Variants in DCC observed in about 807,000 individuals in gnomAD.
DCC encodes netrin receptor DCC.
Under a neutral mutation model 172.5 loss-of-function variants are expected in DCC, and 58 were observed. The observed-to-expected ratio is 0.34, with a 90% CI of 0.27 to 0.42. The LOEUF (loss-of-function observed/expected upper bound fraction) is 0.42, where lower values mean the gene tolerates loss of function less well. Among genes scored for constraint, DCC ranks in the 10% least tolerant of loss-of-function variants. The pLI, the probability that DCC is intolerant of heterozygous loss-of-function variation, is 1.00. For synonymous variants in DCC, 709 were observed against 644.5 expected, an observed-to-expected ratio of 1.10 and a Z score of -1.52; for missense variants, 1,740 against 1,791.0, an observed-to-expected ratio of 0.97 and a Z score of 0.51.
chr18:53,136,647 G>C (rs1468841297), intron 7 of DCC, among the ~76,000 whole-genome samples: 1 of 152,004 alleles, frequency 6.6e-6, no homozygotes, highest in Non-Finnish European at 1.5e-5. Flanking sequence ...AGGGTTATGA[G>C]GAAACTTTAG....
At chr18:53,197,830 A>T (rs1376350651) in intron 9 of DCC, among the ~76,000 whole-genome samples, 1 of 152,108 alleles carries the variant, frequency 6.6e-6, no homozygotes, top group East Asian at 1.9e-4. Context: ...GCAGATGTTT[A>T]GATAGTTGAA....
At chr18:53,266,678 A>C (rs975944781) in intron 12 of DCC, among the ~76,000 whole-genome samples, 3 of 152,066 alleles carry the variant, frequency 2.0e-5, no homozygotes, top group African/African-American at 4.8e-5. Flanking sequence ...ATCTCTTAGC[A>C]GTGCCCTCCT....
chr18:53,330,304 C>T (rs1408537927), intron 14 of DCC, among the ~76,000 whole-genome samples: 1 of 152,164 alleles, frequency 6.6e-6, no homozygotes, highest in Non-Finnish European at 1.5e-5. Flanking sequence ...CCAATAATCA[C>T]TTGTCATCCA....
At chr18:53,346,400 T>C (rs1452166664) in intron 15 of DCC, among the ~76,000 whole-genome samples, 2 of 152,178 alleles carry the variant, frequency 1.3e-5, no homozygotes, top group Admixed American at 1.3e-4. Context: ...CCTCTGAGAC[T>C]ATAATTATAT....
At chr18:52,471,437 G>T (rs1372626) in intron 1 of DCC, among the ~76,000 whole-genome samples, 1 of 152,060 alleles carries the variant, frequency 6.6e-6, no homozygotes, top group Non-Finnish European at 1.5e-5. Context: ...ATTATGGAGG[G>T]TTATCACTTA....
intron 2 of DCC, among the ~76,000 whole-genome samples, chr18:52,863,500 G>A (rs2039175961): frequency 6.6e-6 from 1 of 151,572 alleles, no homozygotes. Flanking sequence ...TAAGAAAAAA[G>A]CCAAAAGCAT....
chr18:52,505,318 T>C (rs2031190451), intron 1 of DCC, among the ~76,000 whole-genome samples: 1 of 152,202 alleles, frequency 6.6e-6, no homozygotes, highest in Admixed American at 6.5e-5. Context: ...TTAATGAAGA[T>C]GATTCCTATT....
intron 2 of DCC, among the ~76,000 whole-genome samples, chr18:52,809,128 A>T (rs2038145509): frequency 1.3e-5 from 2 of 152,202 alleles, no homozygotes; most frequent in African/African-American, 4.8e-5. Flanking sequence ...ATCCAGAAGG[A>T]ACTGCCAAAA....
At chr18:52,568,789 G>A (rs2033225231) in intron 1 of DCC, among the ~76,000 whole-genome samples, 1 of 152,046 alleles carries the variant, frequency 6.6e-6, no homozygotes, top group Non-Finnish European at 1.5e-5. Flanking sequence ...TGTGGTCTCT[G>A]CAACTATAGA....
chr18:53,145,383 G>T (rs1295693711), intron 7 of DCC, among the ~76,000 whole-genome samples: 1 of 152,128 alleles, frequency 6.6e-6, no homozygotes, highest in Non-Finnish European at 1.5e-5. Context: ...GAAGTGCTGG[G>T]ATTACAGGCA....
intron 15 of DCC, among the ~76,000 whole-genome samples, chr18:53,381,573 C>T (rs538378914): frequency 1.1e-4 from 15 of 137,598 alleles, no homozygotes; most frequent in Middle Eastern, 3.6e-3. Flanking sequence ...CCCCCCCCAC[C>T]ACCACCTTAC....
Position 52,551,727 on chromosome 18 carries a change from T to TAC in DCC, c.92-200286_92-200285dup, listed in dbSNP as rs74178673. ...CCCTTTATCACCCCTTACTCTCCTC[T>TAC]ACACACACACACACACACACACACA... On this transcript the variant is annotated intron_variant, in intron 1 of 28. Coordinates refer to ENST00000442544, the MANE Select transcript of DCC (RefSeq NM_005215.4). Among the ~76,000 whole-genome samples the TAC allele has an allele frequency of 6.8e-3, 853 of 126,324 alleles. 7 individuals are homozygous for TAC. Among genetic ancestry groups the TAC allele is most frequent in the African/African-American group, 0.014 (499 of 34,602 alleles). 82.9% of individuals were successfully genotyped at this position (126,324 alleles called of 152,430 possible). A position where few individuals can be genotyped will look rare whatever the true frequency, so the allele number is the denominator to read the frequency against.
At chr18:53,077,194 C>G (rs1175021203) in intron 7 of DCC, among the ~76,000 whole-genome samples, 2 of 151,824 alleles carry the variant, frequency 1.3e-5, no homozygotes, top group South Asian at 4.2e-4. Flanking sequence ...GCTATTTGAC[C>G]TTGTTCACAT....
chr18:53,390,364 G>T (rs1033114847), intron 16 of DCC, among the ~76,000 whole-genome samples: 2 of 151,962 alleles, frequency 1.3e-5, no homozygotes, highest in Admixed American at 6.6e-5. Context: ...GTGATGAATA[G>T]GGGATAGGCA....
At chr18:53,031,626 T>TA (rs1376326210) in intron 5 of DCC, among the ~76,000 whole-genome samples, 1 of 151,976 alleles carries the variant, frequency 6.6e-6, no homozygotes, top group Admixed American at 6.6e-5. Flanking sequence ...TTAATAGAAC[T>TA]AAAAAAATTT....
At chr18:52,928,368 A>C (rs558901396) in intron 5 of DCC, among the ~76,000 whole-genome samples, 12 of 152,228 alleles carry the variant, frequency 7.9e-5, no homozygotes, top group Admixed American at 7.9e-4. Flanking sequence ...AATAATCTGT[A>C]CACCAAGCCC....
rs77843488 is a variant in DCC at position 53,239,984 on chromosome 18, T to G, written c.1911+24387T>G. ...TTGTTAGAGGAGAATGGTGAGAAAA[T>G]ATAAAAAAACATTTAGACATTCAAA... On this transcript the variant is annotated intron_variant, in intron 12 of 28. Transcript: ENST00000442544. Among the ~76,000 whole-genome samples, 84 of 51,574 alleles carry G rather than the reference T, an allele frequency of 1.6e-3. 1 individual carries two copies. The highest frequency in any genetic ancestry group is 2.6e-3 in the Non-Finnish European group (65 of 24,976). The allele number at this position is 51,574 out of a possible 152,430, so 33.8% of individuals were successfully genotyped here. A position where few individuals can be genotyped will look rare whatever the true frequency, so the allele number is the denominator to read the frequency against.
chr18:52,854,149 T>G (rs541427967), intron 2 of DCC, among the ~76,000 whole-genome samples: 2 of 152,340 alleles, frequency 1.3e-5, no homozygotes, highest in Admixed American at 6.5e-5. Context: ...TAATGCCACA[T>G]CCCAGACCAC....
intron 5 of DCC, among the ~76,000 whole-genome samples, chr18:52,942,711 A>G (rs2040482930): frequency 1.3e-5 from 2 of 152,306 alleles, no homozygotes; most frequent in African/African-American, 4.8e-5. Flanking sequence ...CCATGATTCA[A>G]ATTATCTCCC....
Sources: allele counts gnomAD v4.1 joint callset (sites outside exome capture counted in the v4.1 genomes callset), GRCh38; gene constraint gnomAD v4.1.1; transcripts MANE v1.5; gene names NCBI Gene and HGNC (gene_info 2026-07-23, HGNC 2026-07-21).